The following RFX3 variants were observed in gnomAD, a reference collection of about 807,000 sequenced individuals.
RFX3 encodes the protein regulatory factor X3.
A neutral mutation model predicts 98.6 loss-of-function variants in RFX3; 14 were observed. The observed-to-expected ratio is 0.14, with a 90% CI of 0.09 to 0.22. The LOEUF (loss-of-function observed/expected upper bound fraction) is 0.22, where lower values mean the gene tolerates loss of function less well. Ranked by LOEUF, RFX3 falls within the 10% of genes least tolerant of loss-of-function variation. The probability of loss-of-function intolerance (pLI) is 1.00; values close to 1 mark genes in which losing one functional copy is unlikely to be tolerated. For missense variants in RFX3, 639 were observed against 926.9 expected (o/e 0.69, Z 4.03); for synonymous variants, 383 against 328.4 (o/e 1.17, Z -1.80).
chr9:3,266,768 T>C (rs1823694753), intron 11 of RFX3, among the ~76,000 whole-genome samples: 1 of 152,076 alleles, frequency 6.6e-6, no homozygotes, highest in African/African-American at 2.4e-5. Context: ...TGTTTCTCTA[T>C]GCATCTATTT....
At chr9:3,381,371 A>C (rs1839177310) in intron 2 of RFX3, among the ~76,000 whole-genome samples, 1 of 152,130 alleles carries the variant, frequency 6.6e-6, no homozygotes, top group African/African-American at 2.4e-5. Context: ...TCTGAAGCTT[A>C]GGTTTGTTCA....
intron 1 of RFX3, among the ~76,000 whole-genome samples, chr9:3,518,188 A>G (rs1017990113): frequency 2.0e-5 from 3 of 152,222 alleles, no homozygotes; most frequent in Non-Finnish European, 2.9e-5. Flanking sequence ...ATGTTCACAC[A>G]ATGATGAAAT....
At chr9:3,311,779 G>C (rs1035023047) in intron 4 of RFX3, among the ~76,000 whole-genome samples, 1 of 152,134 alleles carries the variant, frequency 6.6e-6, no homozygotes, top group Non-Finnish European at 1.5e-5. Flanking sequence ...AGCTACTCGG[G>C]AGGCTGAGGC....
chr9:3,482,191 C>T (rs190512659), intron 1 of RFX3, among the ~76,000 whole-genome samples: 325 of 151,752 alleles, frequency 2.1e-3, no homozygotes, highest in African/African-American at 7.6e-3. Flanking sequence ...AAATTTTATT[C>T]ATTACCATTA....
chr9:3,369,992 C>G (rs984824928), intron 2 of RFX3, among the ~76,000 whole-genome samples: 1 of 135,002 alleles, frequency 7.4e-6, no homozygotes, highest in Non-Finnish European at 1.6e-5. Flanking sequence ...CTACGCCCGG[C>G]TAATTTTTTT....
rs565452636 is a variant in RFX3 at position 3,485,300 on chromosome 9, A to G, written c.-9+40447T>C. On this transcript the variant is annotated intron_variant, in intron 1 of 16. Coordinates refer to ENST00000617270, the MANE Select transcript of RFX3 (RefSeq NM_001282116.2). ...TATATAAGAAATGAATGAAACTATT[A>G]CTTCTGAAGCACTATTCTGTGCCAG... 1.2e-3 allele frequency among the ~76,000 whole-genome samples: 184 copies of G among 152,326 alleles called. 1 individual carries two copies. Among genetic ancestry groups the G allele is most frequent in the South Asian group, 3.9e-3 (19 of 4,828 alleles).
At chr9:3,459,763 T>C (rs1198561722) in intron 1 of RFX3, among the ~76,000 whole-genome samples, 1 of 152,098 alleles carries the variant, frequency 6.6e-6, no homozygotes, top group Non-Finnish European at 1.5e-5. Flanking sequence ...CCTAGTTATC[T>C]CATCCTACTA....
rs542467678 is a variant in RFX3, at chr9:3,219,084, G to C, written c.*5958C>G. On this transcript the variant is annotated 3_prime_UTR_variant, in exon 17 of 17. Coordinates refer to ENST00000617270, the MANE Select transcript of RFX3 (RefSeq NM_001282116.2). Reference sequence around the variant, plus strand: ...CTCAAGGCACTCACTTAAAGTTTCTGTAACCAATGCATTGGTCACCACCAT... The same window carrying C: ...CTCAAGGCACTCACTTAAAGTTTCTCTAACCAATGCATTGGTCACCACCAT... 1 of 152,216 alleles carries C rather than the reference G, an allele frequency of 6.6e-6. No homozygotes were observed. The highest frequency in any genetic ancestry group is 1.9e-4 in the East Asian group (1 of 5,178). 9.4% of individuals were successfully genotyped at this position (152,216 alleles called of 1,614,324 possible). A position where few individuals can be genotyped will look rare whatever the true frequency, so the allele number is the denominator to read the frequency against.
At chr9:3,320,993 C>A (rs1283906714) in intron 4 of RFX3, among the ~76,000 whole-genome samples, 2 of 129,200 alleles carry the variant, frequency 1.5e-5, no homozygotes, top group Admixed American at 1.4e-4. Context: ...ACTCCACCTC[C>A]TAGGTTCAAA....
At chr9:3,453,931 T>C (rs1846912177) in intron 1 of RFX3, among the ~76,000 whole-genome samples, 1 of 152,140 alleles carries the variant, frequency 6.6e-6, no homozygotes, top group Admixed American at 6.5e-5. Context: ...AAAAAAGATA[T>C]GTCCACATTT....
chr9:3,313,386 A>G (rs918282939), intron 4 of RFX3, among the ~76,000 whole-genome samples: 1 of 152,242 alleles, frequency 6.6e-6, no homozygotes, highest in African/African-American at 2.4e-5. Flanking sequence ...ACAAAGACCA[A>G]AGGTAGATAA....
At chr9:3,346,176 G>T (rs1378468173) in intron 3 of RFX3, among the ~76,000 whole-genome samples, 1 of 152,162 alleles carries the variant, frequency 6.6e-6, no homozygotes, top group Non-Finnish European at 1.5e-5. Flanking sequence ...GTTTCGGGCA[G>T]GGGGCAGGTT....
intron 1 of RFX3, chr9:3,524,557 A>C (rs1313868706): frequency 2.5e-6 from 1 of 400,454 alleles, no homozygotes; most frequent in Non-Finnish European, 3.3e-6. Flanking sequence ...TGAGGAGATT[A>C]AAAAAAAAAA....
chr9:3,437,996 G>A (rs1336624724), intron 1 of RFX3, among the ~76,000 whole-genome samples: 1 of 151,734 alleles, frequency 6.6e-6, no homozygotes, highest in Non-Finnish European at 1.5e-5. Flanking sequence ...TAAATAAAAT[G>A]GAAAAAAAGA....
chr9:3,337,732 A>G (rs770899481), intron 3 of RFX3, among the ~76,000 whole-genome samples: 45 of 152,318 alleles, frequency 3.0e-4, no homozygotes, highest in Non-Finnish European at 5.6e-4. Flanking sequence ...GCCTGTTTCC[A>G]GCTTGATTCT....
Position 3,220,641 on chromosome 9 carries a change from C to CG in RFX3, c.*4400_*4401insC. 1 of 151,374 alleles carries CG rather than the reference C, an allele frequency of 6.6e-6. No individual in the cohort carries two copies. Among genetic ancestry groups the CG allele is most frequent in the East Asian group, 1.9e-4 (1 of 5,164 alleles). 9.4% of individuals were successfully genotyped at this position (151,374 alleles called of 1,614,324 possible). A position where few individuals can be genotyped will look rare whatever the true frequency, so the allele number is the denominator to read the frequency against. On this transcript the variant is annotated 3_prime_UTR_variant, in exon 17 of 17. Transcript: ENST00000617270. ...TGGAAACACTTTCTCTTCCTACCCCCCCCTTTAAAAAAACAGCATAATTAG... is the reference window on the plus strand; with the variant it reads ...TGGAAACACTTTCTCTTCCTACCCCCGCCCTTTAAAAAAACAGCATAATTAG...
intron 1 of RFX3, among the ~76,000 whole-genome samples, chr9:3,467,129 A>AGTATATATGTATATACATACATATTAT (rs1564138965): frequency 7.6e-6 from 1 of 131,648 alleles, no homozygotes; most frequent in Non-Finnish European, 1.5e-5. Context: ...CATATATGTA[A>AGTATATATGTATATACATACATATTAT]GTATATATGT....
rs541748145 is a variant in RFX3 at position 3,504,928 on chromosome 9, T to A, written c.-9+20819A>T. On this transcript the variant is annotated intron_variant, in intron 1 of 16. Transcript: ENST00000617270. ...TATATATATATAATATAACATATAT[T>A]ATATATAATATATATAATATAATAT... 8.1e-4 allele frequency among the ~76,000 whole-genome samples: 54 copies of A among 66,290 alleles called. 1 individual carries two copies. The highest frequency in any genetic ancestry group is 1.5e-3 in the African/African-American group (17 of 11,122). The allele number at this position is 66,290 out of a possible 152,430, so 43.5% of individuals were successfully genotyped here.
At chr9:3,426,286 G>A (rs780102918) in intron 1 of RFX3, among the ~76,000 whole-genome samples, 2 of 151,238 alleles carry the variant, frequency 1.3e-5, no homozygotes, top group East Asian at 3.9e-4. Flanking sequence ...TGATGATCGG[G>A]TCAGTGTAAT....
Sources: gnomAD v4.1 joint callset for allele counts (sites outside exome capture counted in the v4.1 genomes callset) on GRCh38, gnomAD v4.1.1 for gene constraint, MANE v1.5 for transcripts, NCBI Gene and HGNC (gene_info 2026-07-23, HGNC 2026-07-21) for gene names.